The following RGS3 variants were observed in gnomAD, a reference collection of about 807,000 sequenced individuals.
RGS3 encodes the protein regulator of G-protein signalling 3.
In RGS3, 80 loss-of-function variants were observed where a neutral mutation model predicts 132.6. The ratio of observed to expected loss-of-function variants is 0.60; its 90% CI spans 0.50 to 0.73. The LOEUF (loss-of-function observed/expected upper bound fraction) is 0.73. Among genes scored for constraint, RGS3 ranks in the 30% least tolerant of loss-of-function variants. The probability of loss-of-function intolerance (pLI) is 0.00; values close to 1 mark genes in which losing one functional copy is unlikely to be tolerated. For missense variants in RGS3, 1,382 were observed against 1,530.8 expected (o/e 0.90, Z 1.62); for synonymous variants, 598 against 620.6 (o/e 0.96, Z 0.54).
rs3221187 is a variant in RGS3 at position 113,465,439 on chromosome 9, CTGTG to C, written c.415+3277_415+3280del. 7.5e-3 allele frequency among the ~76,000 whole-genome samples: 1,013 copies of C among 135,390 alleles called. 7 individuals are homozygous for C. The highest frequency in any genetic ancestry group is 0.014 in the African/African-American group (492 of 36,070). 88.8% of individuals were successfully genotyped at this position (135,390 alleles called of 152,430 possible). On this transcript the variant is annotated intron_variant, in intron 3 of 24. Transcript: ENST00000350696. Reference sequence around the variant, plus strand: ...CCCAGGCTTATTTCCACACCTATTTCTGTGTGTGTGTGTGTGTGTGTGTGTGTGT... The same window carrying C: ...CCCAGGCTTATTTCCACACCTATTTCTGTGTGTGTGTGTGTGTGTGTGTGT...
chr9:113,520,547 T>G (rs1428461484), intron 16 of RGS3, among the ~76,000 whole-genome samples: 4 of 150,648 alleles, frequency 2.7e-5, no homozygotes, highest in Non-Finnish European at 3.0e-5. Flanking sequence ...GGGCTGTTTT[T>G]TTTTTTTTTT....
intron 6 of RGS3, among the ~76,000 whole-genome samples, chr9:113,485,211 TGG>T (rs1830293994): frequency 1.3e-5 from 2 of 152,100 alleles, no homozygotes; most frequent in African/African-American, 4.8e-5. Flanking sequence ...CCTCAGCCTC[TGG>T]AGTAGCTGGG....
chr9:113,494,288 C>G (rs1045427413), intron 7 of RGS3, among the ~76,000 whole-genome samples: 2 of 151,990 alleles, frequency 1.3e-5, no homozygotes, highest in Non-Finnish European at 2.9e-5. Flanking sequence ...GAAAATTAAA[C>G]CCCTAGTAAT....
intron 9 of RGS3, 52 bp downstream of exon 7, chr9:113,497,456 C>T (rs1830725686): frequency 6.9e-7 from 1 of 1,450,612 alleles, no homozygotes; most frequent in Non-Finnish European, 9.6e-7. Context: ...CCCCTCCCTC[C>T]TTTCCTGCAT....
chr9:113,493,176 GC>G (rs1305234005), intron 7 of RGS3, among the ~76,000 whole-genome samples: 1 of 152,224 alleles, frequency 6.6e-6, no homozygotes, highest in African/African-American at 2.4e-5. Flanking sequence ...ATTAGTTTTG[GC>G]TGTTTATGAT....
At chr9:113,571,355 C>G (rs1436607234) in intron 19 of RGS3, among the ~76,000 whole-genome samples, 1 of 152,228 alleles carries the variant, frequency 6.6e-6, no homozygotes, top group Non-Finnish European at 1.5e-5. Flanking sequence ...CAGGAATATA[C>G]TCCCTTTAAG....
intron 19 of RGS3, among the ~76,000 whole-genome samples, chr9:113,562,062 G>T (rs552900356): frequency 6.6e-6 from 1 of 152,182 alleles, no homozygotes; most frequent in South Asian, 2.1e-4. Flanking sequence ...GCTGCCCTGC[G>T]CCATGGTGCA....
At chr9:113,528,986 G>A (rs1832344162) in intron 17 of RGS3, among the ~76,000 whole-genome samples, 1 of 152,352 alleles carries the variant, frequency 6.6e-6, no homozygotes, top group Admixed American at 6.5e-5. Context: ...TGAGGTTTCA[G>A]CATTCCTTGG....
chr9:113,589,273 G>A (rs1306555627), intron 20 of RGS3: 1 of 152,262 alleles, frequency 6.6e-6, no homozygotes, highest in Non-Finnish European at 1.5e-5. Flanking sequence ...CAAGGTCAGA[G>A]GCCAAAGCCT....
exon 15 of RGS3, chr9:113,514,549 G>T: frequency 6.2e-7 from 1 of 1,614,186 alleles, no homozygotes; most frequent in East Asian, 2.2e-5. Flanking sequence ...AGGGCCACGG[G>T]AACTACCAAA....
chr9:113,536,712 G>A (rs986732613), intron 18 of RGS3, 84 bp from the exon 17 acceptor site: 25 of 1,557,964 alleles, frequency 1.6e-5, no homozygotes, highest in Non-Finnish European at 2.2e-5. Context: ...ACCCTCTGGA[G>A]CCCAGGGATG....
intron 15 of RGS3, 56 bp downstream of exon 13, chr9:113,514,710 G>A: frequency 6.4e-7 from 1 of 1,565,600 alleles, no homozygotes; most frequent in East Asian, 2.2e-5. Flanking sequence ...AAAGAGGAGG[G>A]CCCTTGCCCC....
chr9:113,543,936 A>G (rs1391697949), intron 19 of RGS3, among the ~76,000 whole-genome samples: 1 of 152,160 alleles, frequency 6.6e-6, no homozygotes, highest in African/African-American at 2.4e-5. Flanking sequence ...TCTCAAATCG[A>G]TCGAACAATT....
At chr9:113,493,234 A>AG (rs1305985521) in intron 7 of RGS3, among the ~76,000 whole-genome samples, 1 of 152,184 alleles carries the variant, frequency 6.6e-6, no homozygotes, top group Non-Finnish European at 1.5e-5. Flanking sequence ...CTACTTCCCA[A>AG]GGGGGAGGAG....
chr9:113,482,035 A>C (rs1830176227), intron 4 of RGS3, among the ~76,000 whole-genome samples: 1 of 150,812 alleles, frequency 6.6e-6, no homozygotes. Context: ...AACAAGTGCG[A>C]AACTCCATCT....
intron 19 of RGS3, among the ~76,000 whole-genome samples, chr9:113,544,495 A>T (rs1022859665): frequency 3.9e-5 from 6 of 152,130 alleles, no homozygotes; most frequent in African/African-American, 1.2e-4. Flanking sequence ...ATTTTTCCCC[A>T]TAAATTCTAT....
At position 113,510,311 on chromosome 9, in the gene RGS3, T is replaced by C. The variant is rs539428359; in HGVS notation, c.1477+1731T>C. ...AGTAGTATTCCATCAATGATGAGTT[T>C]TTAAAAAGCTTTTGGTTGGCACATT... On this transcript the variant is annotated intron_variant, in intron 14 of 24. Coordinates refer to ENST00000350696, the Ensembl canonical transcript of RGS3. Among the ~76,000 whole-genome samples the C allele has an allele frequency of 5.9e-5, 9 of 152,354 alleles. 1 individual carries two copies. The South Asian group carries it at 1.9e-3, about 32-fold the overall frequency.
Position 113,507,298 on chromosome 9 carries a change from G to T in RGS3, c.1097G>T (p.Ser366Ile), listed in dbSNP as rs888935739. ...CCCCCACCTTCCAGGAGCTGCCCCA[G>T]TGAGATCATCCTACTCGTGTGGCGC... Residue 366 changes from serine to isoleucine, a missense_variant, in exon 13 of 25, where the codon AGT becomes ATT. Physicochemically the swap from Ser to Ile is moderately radical, Grantham distance 142. Coordinates refer to ENST00000350696, the Ensembl canonical transcript of RGS3. The surrounding 1 kb of genome is among the most constrained non-coding windows in gnomAD (Gnocchi z 5.0). 1 of 1,611,080 alleles carries T rather than the reference G, an allele frequency of 6.2e-7. No homozygotes were observed. The highest frequency in any genetic ancestry group is 1.3e-5 in the African/African-American group (1 of 74,916).
chr9:113,491,139 T>A (rs1400555326), intron 7 of RGS3, among the ~76,000 whole-genome samples: 3 of 144,496 alleles, frequency 2.1e-5, no homozygotes, highest in Non-Finnish European at 3.0e-5. Context: ...TATACTAATA[T>A]ATAATTATTT....
Sources: gnomAD v4.1 joint callset for allele counts (sites outside exome capture counted in the v4.1 genomes callset) on GRCh38, gnomAD v4.1.1 for gene constraint, Gnocchi (gnomAD v3.1) non-coding constraint, MANE v1.5 for transcripts, NCBI Gene and HGNC (gene_info 2026-07-23, HGNC 2026-07-21) for gene names.